FRMD4A: variants seen among roughly 807,000 people sequenced by gnomAD.
FRMD4A encodes FERM domain containing 4A.
FRMD4A carries 29 observed loss-of-function variants against 129.1 expected under a neutral mutation model. That is an observed-to-expected ratio of 0.22 (90% confidence interval 0.17 to 0.31). The LOEUF is 0.31. FRMD4A is among the 10% of genes least tolerant of loss of function. The pLI is 1.00. For synonymous variants in FRMD4A, 634 were observed against 571.6 expected (o/e 1.11, Z -1.56); for missense variants, 1,272 against 1,375.8 (o/e 0.92, Z 1.19).
At chr10:13,752,734 G>C (rs146367100) in intron 8 of FRMD4A, among the ~76,000 whole-genome samples, 1 of 152,104 alleles carries the variant, frequency 6.6e-6, no homozygotes, top group Non-Finnish European at 1.5e-5. Context: ...TCTCAGGGGC[G>C]GGATATTTCA....
At chr10:14,003,701 G>C (rs760274960) in intron 2 of FRMD4A, 7 of 152,214 alleles carry the variant, frequency 4.6e-5, no homozygotes, top group Non-Finnish European at 7.3e-5. Flanking sequence ...CAGAAGCCTA[G>C]CAGATTTCAC....
At chr10:13,789,005 G>A (rs1234171630) in intron 5 of FRMD4A, among the ~76,000 whole-genome samples, 1 of 152,130 alleles carries the variant, frequency 6.6e-6, no homozygotes, top group Non-Finnish European at 1.5e-5. Flanking sequence ...TTTACAGCAA[G>A]TGTTAATTAA....
At chr10:14,207,549 A>T (rs527461648) in intron 2 of FRMD4A, among the ~76,000 whole-genome samples, 2 of 152,262 alleles carry the variant, frequency 1.3e-5, no homozygotes, top group East Asian at 3.9e-4. Context: ...TTTTGTCTGT[A>T]AAATGTATTA....
chr10:13,772,759 A>G (rs2092493672), intron 6 of FRMD4A, among the ~76,000 whole-genome samples: 1 of 152,206 alleles, frequency 6.6e-6, no homozygotes, highest in African/African-American at 2.4e-5. Flanking sequence ...AATGAAAACC[A>G]TTGAACTCAT....
At chr10:14,006,317 G>A (rs1303997961) in intron 2 of FRMD4A, among the ~76,000 whole-genome samples, 1 of 152,206 alleles carries the variant, frequency 6.6e-6, no homozygotes, top group Non-Finnish European at 1.5e-5. Context: ...ATGTAACGGT[G>A]GGGTGTGCTC....
chr10:14,312,683 G>A (rs942665618), intron 2 of FRMD4A, among the ~76,000 whole-genome samples: 7 of 152,072 alleles, frequency 4.6e-5, no homozygotes, highest in African/African-American at 1.7e-4. Flanking sequence ...GCATGAGGTA[G>A]CAAAACTCCA....
intron 23 of FRMD4A, chr10:13,654,064 A>G (rs1356263477): frequency 6.7e-6 from 3 of 448,002 alleles, no homozygotes; most frequent in Admixed American, 7.8e-5. Flanking sequence ...TCCCCCTGAC[A>G]TTCTTGCCTG....
intron 2 of FRMD4A, among the ~76,000 whole-genome samples, chr10:14,121,281 T>C (rs1042102683): frequency 3.3e-5 from 5 of 152,144 alleles, no homozygotes; most frequent in Admixed American, 1.3e-4. Context: ...GACAGGAGAA[T>C]TGCCTGAACC....
At chr10:13,944,799 A>G (rs1032137007) in intron 2 of FRMD4A, among the ~76,000 whole-genome samples, 6 of 152,254 alleles carry the variant, frequency 3.9e-5, no homozygotes, top group African/African-American at 1.4e-4. Flanking sequence ...CATTCTAATG[A>G]TACGTGCCTT....
At chr10:13,857,753 T>C (rs2094233826) in intron 3 of FRMD4A, among the ~76,000 whole-genome samples, 1 of 152,150 alleles carries the variant, frequency 6.6e-6, no homozygotes, top group African/African-American at 2.4e-5. Context: ...TGAGACACAA[T>C]GCTCTAGGAC....
At chr10:14,314,638 G>T (rs1305275563) in intron 2 of FRMD4A, among the ~76,000 whole-genome samples, 2 of 150,486 alleles carry the variant, frequency 1.3e-5, no homozygotes, top group Non-Finnish European at 3.0e-5. Context: ...GAACCATGAG[G>T]GGAAGCACTG....
chr10:13,813,815 G>C (rs1198189429), intron 3 of FRMD4A, among the ~76,000 whole-genome samples: 1 of 152,200 alleles, frequency 6.6e-6, no homozygotes, highest in East Asian at 1.9e-4. Context: ...TTCAAAATTG[G>C]AAGTACAGTT....
At chr10:14,017,221 T>C (rs1476017649) in intron 2 of FRMD4A, among the ~76,000 whole-genome samples, 1 of 152,130 alleles carries the variant, frequency 6.6e-6, no homozygotes, top group Admixed American at 6.5e-5. Flanking sequence ...ATTAAACGGG[T>C]AATAAGCTGA....
intron 2 of FRMD4A, among the ~76,000 whole-genome samples, chr10:14,005,990 T>A (rs761595096): frequency 6.6e-6 from 1 of 152,194 alleles, no homozygotes; most frequent in Non-Finnish European, 1.5e-5. Context: ...GAGCCGCTGA[T>A]GGAACTGAAC....
chr10:14,038,596 A>G (rs376549708), intron 2 of FRMD4A, among the ~76,000 whole-genome samples: 20 of 152,330 alleles, frequency 1.3e-4, no homozygotes, highest in South Asian at 6.2e-4. Context: ...TGTCGACTGC[A>G]TAAAATTGAT....
chr10:13,658,388 C>T (rs1166977693), intron 21 of FRMD4A, among the ~76,000 whole-genome samples: 2 of 152,204 alleles, frequency 1.3e-5, no homozygotes, highest in Non-Finnish European at 2.9e-5. Context: ...TCGTTTGAGT[C>T]CACTCAGGGC....
chr10:14,061,545 G>A (rs1035335443), intron 2 of FRMD4A, among the ~76,000 whole-genome samples: 4 of 152,160 alleles, frequency 2.6e-5, no homozygotes, highest in South Asian at 4.1e-4. Flanking sequence ...GTAAACCTAA[G>A]TGGGTACAAT....
intron 2 of FRMD4A, 85 bp downstream of exon 2, chr10:14,329,973 C>T (rs1052479049): frequency 5.6e-6 from 7 of 1,251,670 alleles, no homozygotes; most frequent in Non-Finnish European, 8.0e-6. Flanking sequence ...ATGTCTGCAG[C>T]CACTGCAGCG....
chr10:14,157,532 C>G (rs906822201), intron 2 of FRMD4A, among the ~76,000 whole-genome samples: 2 of 152,208 alleles, frequency 1.3e-5, no homozygotes, highest in Non-Finnish European at 2.9e-5. Context: ...AACTGATGCA[C>G]TGATCACGGT....
Sources: allele counts gnomAD v4.1 joint callset (sites outside exome capture counted in the v4.1 genomes callset), GRCh38; gene constraint gnomAD v4.1.1; transcripts MANE v1.5; gene names NCBI Gene and HGNC (gene_info 2026-07-23, HGNC 2026-07-21).